The following GABRG3 variants were observed in gnomAD, a reference collection of about 807,000 sequenced individuals.
GABRG3 encodes the protein gamma-aminobutyric acid type A receptor subunit gamma3.
A neutral mutation model predicts 48.8 loss-of-function variants in GABRG3; 25 were observed. The observed-to-expected ratio is 0.51, with a 90% confidence interval of 0.37 to 0.72. The LOEUF (loss-of-function observed/expected upper bound fraction) is 0.72. Ranked by LOEUF, GABRG3 falls within the 30% of genes least tolerant of loss-of-function variation. GABRG3 has a pLI of 0.00. For synonymous variants in GABRG3, 227 were observed against 217.6 expected, an observed-to-expected ratio of 1.04 and a Z score of -0.38; for missense variants, 394 against 577.9, an observed-to-expected ratio of 0.68 and a Z score of 3.26.
chr15:27,080,630 G>T (rs995553732), intron 3 of GABRG3, among the ~76,000 whole-genome samples: 3 of 152,106 alleles, frequency 2.0e-5, no homozygotes, highest in African/African-American at 7.2e-5. Flanking sequence ...AAAATGAAAT[G>T]AAATTAAAAA....
chr15:27,412,840 A>G (rs112397932), intron 5 of GABRG3, among the ~76,000 whole-genome samples: 13 of 152,242 alleles, frequency 8.5e-5, no homozygotes, highest in South Asian at 4.1e-4. Flanking sequence ...CCTTAAGGAA[A>G]TAAAAAATTA....
chr15:27,121,339 G>C (rs1897727860), intron 3 of GABRG3, among the ~76,000 whole-genome samples: 1 of 152,340 alleles, frequency 6.6e-6, no homozygotes, highest in East Asian at 1.9e-4. Flanking sequence ...TGCCCTTGGA[G>C]AGTGCTCACA....
chr15:27,191,165 A>G (rs1888287664), intron 3 of GABRG3, among the ~76,000 whole-genome samples: 1 of 152,008 alleles, frequency 6.6e-6, no homozygotes, highest in South Asian at 2.1e-4. Context: ...TCAATTTTGG[A>G]ATAGGTGTGT....
chr15:27,523,151 A>T, intron 7 of GABRG3, among the ~76,000 whole-genome samples: 1 of 151,902 alleles, frequency 6.6e-6, no homozygotes, highest in East Asian at 1.9e-4. Context: ...GGATTATATT[A>T]GATTAGATAA....
At chr15:27,097,713 G>A (rs1346553890) in intron 3 of GABRG3, among the ~76,000 whole-genome samples, 1 of 152,106 alleles carries the variant, frequency 6.6e-6, no homozygotes, top group Non-Finnish European at 1.5e-5. Flanking sequence ...CCTGGGGGAG[G>A]TGTGCTACTG....
At chr15:27,435,117 T>C (rs944797501) in intron 5 of GABRG3, among the ~76,000 whole-genome samples, 8 of 151,830 alleles carry the variant, frequency 5.3e-5, no homozygotes, top group Non-Finnish European at 1.0e-4. Context: ...TCTGGAAGTT[T>C]TCCTTGTCCT....
At chr15:27,496,753 C>T (rs542857542) in intron 6 of GABRG3, among the ~76,000 whole-genome samples, 51 of 152,148 alleles carry the variant, frequency 3.4e-4, no homozygotes, top group African/African-American at 1.1e-3. Flanking sequence ...AAAGGGAAGA[C>T]GAGGCCAAGG....
At chr15:27,167,036 C>A (rs1887396966) in intron 3 of GABRG3, among the ~76,000 whole-genome samples, 1 of 152,116 alleles carries the variant, frequency 6.6e-6, no homozygotes, top group Non-Finnish European at 1.5e-5. Context: ...GTAAATACTT[C>A]TTTAGCTATC....
At chr15:27,322,466 A>G (rs1893461793) in intron 3 of GABRG3, among the ~76,000 whole-genome samples, 3 of 152,200 alleles carry the variant, frequency 2.0e-5, no homozygotes, top group African/African-American at 7.2e-5. Context: ...ATAATGGAAG[A>G]TGGGACATAG....
At chr15:27,276,126 T>C (rs1187359041) in intron 3 of GABRG3, among the ~76,000 whole-genome samples, 1 of 152,180 alleles carries the variant, frequency 6.6e-6, no homozygotes, top group Non-Finnish European at 1.5e-5. Context: ...TCCCTTGCAT[T>C]TGGCAGAGAC....
At chr15:27,396,853 A>G (rs555447612) in intron 5 of GABRG3, among the ~76,000 whole-genome samples, 1 of 152,340 alleles carries the variant, frequency 6.6e-6, no homozygotes, top group Non-Finnish European at 1.5e-5. Flanking sequence ...AAGGAAGACC[A>G]AAAACTACAT....
At position 27,534,183 on chromosome 15, in the gene GABRG3, G is replaced by A. The variant is rs1352070061; in HGVS notation, c.*1302G>A. The A allele has an allele frequency of 6.6e-6, 1 of 151,736 alleles. No homozygotes were observed. Among genetic ancestry groups the A allele is most frequent in the Non-Finnish European group, 1.5e-5 (1 of 67,990 alleles). 9.4% of individuals were successfully genotyped at this position (151,736 alleles called of 1,614,324 possible). A position where few individuals can be genotyped will look rare whatever the true frequency, so the allele number is the denominator to read the frequency against. On this transcript the variant is annotated 3_prime_UTR_variant, in exon 10 of 10. Transcript: ENST00000615808. ...GGCCAAAATTAAAAAAAAAAAATTAGTGAATATTAATTTTCAACTCAAACC... is the reference window on the plus strand; with the variant it reads ...GGCCAAAATTAAAAAAAAAAAATTAATGAATATTAATTTTCAACTCAAACC...
intron 3 of GABRG3, among the ~76,000 whole-genome samples, chr15:27,166,782 G>A (rs916965414): frequency 6.6e-6 from 1 of 152,148 alleles, no homozygotes; most frequent in Non-Finnish European, 1.5e-5. Context: ...GTGCAGCAAA[G>A]AAATCCATTA....
At chr15:27,209,229 C>T (rs2140433587) in intron 3 of GABRG3, among the ~76,000 whole-genome samples, 1 of 152,356 alleles carries the variant, frequency 6.6e-6, no homozygotes, top group South Asian at 2.1e-4. Flanking sequence ...AGAAGGAGTT[C>T]AGGCCAGCCA....
chr15:27,253,452 C>T (rs1890522683), intron 3 of GABRG3, among the ~76,000 whole-genome samples: 1 of 152,246 alleles, frequency 6.6e-6, no homozygotes, highest in Admixed American at 6.5e-5. Context: ...GCCCATTTGT[C>T]TCCTTATGGC....
intron 3 of GABRG3, among the ~76,000 whole-genome samples, chr15:27,125,080 T>TA (rs1286488203): frequency 1.3e-5 from 2 of 152,184 alleles, no homozygotes; most frequent in Non-Finnish European, 2.9e-5. Flanking sequence ...CATTTTAATT[T>TA]AATTATATTT....
chr15:27,135,860 A>G (rs916691663), intron 3 of GABRG3, among the ~76,000 whole-genome samples: 4 of 152,206 alleles, frequency 2.6e-5, no homozygotes, highest in African/African-American at 9.6e-5. Context: ...AGCTGAGATC[A>G]TGCCACTGCA....
At chr15:27,000,936 G>A (rs1411579218) in intron 2 of GABRG3, among the ~76,000 whole-genome samples, 3 of 152,164 alleles carry the variant, frequency 2.0e-5, no homozygotes, top group Admixed American at 6.5e-5. Context: ...AACAGATCCT[G>A]TTCCCAGTCA....
At chr15:27,248,828 AG>A (rs1566979270) in intron 3 of GABRG3, among the ~76,000 whole-genome samples, 137 of 146,462 alleles carry the variant, frequency 9.4e-4, no homozygotes, top group Middle Eastern at 3.4e-3. Context: ...AGAGAGAGAG[AG>A]AGAGAGACAG....
Sources: gnomAD v4.1 joint callset for allele counts (sites outside exome capture counted in the v4.1 genomes callset) on GRCh38, gnomAD v4.1.1 for gene constraint, MANE v1.5 for transcripts, NCBI Gene and HGNC (gene_info 2026-07-23, HGNC 2026-07-21) for gene names.